Variants in DACH2 observed in about 807,000 individuals in gnomAD.
DACH2 encodes dachshund family transcription factor 2, also known as dachshund homolog 2.
In DACH2, 17 loss-of-function variants were observed where a neutral mutation model predicts 35.8. The observed-to-expected ratio is 0.48, with a 90% confidence interval of 0.33 to 0.71. The LOEUF is 0.71. DACH2 is among the 30% of genes least tolerant of loss of function. DACH2 has a pLI of 0.02. For synonymous variants in DACH2, 195 were observed against 177.3 expected (o/e 1.10, Z -0.79); for missense variants, 469 against 472.7 (o/e 0.99, Z 0.07).
chrX:86,610,795 T>A (rs779913093), intron 3 of DACH2, among the ~76,000 whole-genome samples: 1 of 110,703 alleles, frequency 9.0e-6, no homozygotes, highest in East Asian at 2.9e-4. Context: ...GGCCTGGGAC[T>A]CATTCTTCAG....
chrX:86,298,464 G>A (rs1677875808), intron 1 of DACH2, among the ~76,000 whole-genome samples: 1 of 111,802 alleles, frequency 8.9e-6, no homozygotes. Flanking sequence ...ATCTCACTGT[G>A]GCCTCTTAGA....
intron 1 of DACH2, among the ~76,000 whole-genome samples, chrX:86,318,880 C>T (rs1243695593): frequency 9.0e-6 from 1 of 111,631 alleles, no homozygotes; most frequent in Non-Finnish European, 1.9e-5. Flanking sequence ...CTTATTTTTC[C>T]AAAACGATGA....
intron 3 of DACH2, among the ~76,000 whole-genome samples, chrX:86,523,638 A>T (rs2038590748): frequency 1.8e-5 from 2 of 110,374 alleles, no homozygotes; most frequent in Non-Finnish European, 1.9e-5. Context: ...GGTGCTGCTG[A>T]TTGGTTGAGG....
At chrX:86,777,940 A>T (rs1488054305) in intron 7 of DACH2, among the ~76,000 whole-genome samples, 1 of 110,730 alleles carries the variant, frequency 9.0e-6, no homozygotes, top group Non-Finnish European at 1.9e-5. Context: ...GAATTAAAAT[A>T]AAAAAATATG....
Position 86,521,636 on chromosome X carries a change from C to A in DACH2, c.640+7245C>A, listed in dbSNP as rs1350552053. On this transcript the variant is annotated intron_variant, in intron 3 of 11. Coordinates refer to ENST00000373125, the MANE Select transcript of DACH2 (RefSeq NM_053281.3). ...TTGTGCCTAGAATGGGATTATAGAG[C>A]TAGACAAAACGTTGAGTGAGGAAAG... 6.3e-5 allele frequency among the ~76,000 whole-genome samples: 7 copies of A among 111,748 alleles called. No individual in the cohort carries two copies. In the East Asian group the frequency reaches 2.0e-3, roughly 31 times the overall value.
At chrX:86,417,729 T>G (rs968561224) in intron 2 of DACH2, among the ~76,000 whole-genome samples, 2 of 111,126 alleles carry the variant, frequency 1.8e-5, no homozygotes, top group Non-Finnish European at 3.8e-5. Context: ...ACCTGGTCCC[T>G]CCCAAATATC....
chrX:86,437,126 G>A (rs1006700822), intron 2 of DACH2, among the ~76,000 whole-genome samples: 3 of 110,445 alleles, frequency 2.7e-5, no homozygotes, highest in African/African-American at 6.6e-5. Context: ...CTTTTGACTT[G>A]TTTTTAACTT....
At chrX:86,196,783 C>T (rs909169202) in intron 1 of DACH2, among the ~76,000 whole-genome samples, 7 of 107,547 alleles carry the variant, frequency 6.5e-5, no homozygotes, top group African/African-American at 1.4e-4. Context: ...ATCTATGACT[C>T]GTTGGTGTCC....
At chrX:86,233,729 A>G (rs761960123) in intron 1 of DACH2, among the ~76,000 whole-genome samples, 27 of 111,988 alleles carry the variant, frequency 2.4e-4, no homozygotes, top group Admixed American at 1.9e-3. Context: ...ACAGTTCCAC[A>G]TGGTTGGGGA....
intron 2 of DACH2, among the ~76,000 whole-genome samples, chrX:86,427,392 G>T (rs1403907069): frequency 9.0e-6 from 1 of 111,356 alleles, no homozygotes; most frequent in Admixed American, 9.6e-5. Flanking sequence ...TCGAGGGAAA[G>T]ATTTTTACCA....
At chrX:86,356,607 C>T (rs984228415) in intron 1 of DACH2, among the ~76,000 whole-genome samples, 49 of 111,115 alleles carry the variant, frequency 4.4e-4, no homozygotes, top group African/African-American at 1.5e-3. Flanking sequence ...GCACTGAATC[C>T]GTAAATTGCT....
rs1327547421 is a variant in DACH2 at position 86,732,885 on chromosome X, G to T, written c.1105-6862G>T. 8.1e-5 allele frequency among the ~76,000 whole-genome samples: 9 copies of T among 111,154 alleles called. No homozygotes were observed. In the Admixed American group the frequency reaches 8.7e-4, roughly 11 times the overall value. On this transcript the variant is annotated intron_variant, in intron 6 of 11. Transcript: ENST00000373125. Reference sequence around the variant, plus strand: ...CTGTATGTTCTCTTATCAGTAATGGGACAAAGGGAGGCCCCACCATTAAAT... The same window carrying T: ...CTGTATGTTCTCTTATCAGTAATGGTACAAAGGGAGGCCCCACCATTAAAT...
At chrX:86,802,164 T>G (rs1308149222) in intron 7 of DACH2, among the ~76,000 whole-genome samples, 1 of 111,621 alleles carries the variant, frequency 9.0e-6, no homozygotes, top group African/African-American at 3.3e-5. Context: ...GCCCAGTGGT[T>G]TTTTGAATTG....
In DACH2 at chrX:86,469,662, C is replaced by A. The variant is rs189583026; in HGVS notation, c.528-44617C>A. On this transcript the variant is annotated intron_variant, in intron 2 of 11. Coordinates refer to ENST00000373125, the MANE Select transcript of DACH2 (RefSeq NM_053281.3). ...TGTCTTTCATTCTAACCCCCAGTCCCAAATATAACGCTGTTGGTAGAGGAG... is the reference window on the plus strand; with the variant it reads ...TGTCTTTCATTCTAACCCCCAGTCCAAAATATAACGCTGTTGGTAGAGGAG... 6.5e-3 allele frequency among the ~76,000 whole-genome samples: 716 copies of A among 110,457 alleles called. 3 individuals carry two copies. The highest frequency in any genetic ancestry group is 0.011 in the Non-Finnish European group (564 of 52,653).
chrX:86,250,839 C>T (rs896079243), intron 1 of DACH2, among the ~76,000 whole-genome samples: 2 of 111,563 alleles, frequency 1.8e-5, no homozygotes, highest in Non-Finnish European at 3.8e-5. Context: ...TGGGTTGTTA[C>T]ATCTGCTTTT....
intron 7 of DACH2, among the ~76,000 whole-genome samples, chrX:86,785,972 A>T (rs1008902649): frequency 1.8e-5 from 2 of 111,691 alleles, no homozygotes; most frequent in East Asian, 5.7e-4. Context: ...TTCGACAATC[A>T]TATCACAAGA....
At chrX:86,610,216 G>A (rs554335227) in intron 3 of DACH2, among the ~76,000 whole-genome samples, 5 of 110,815 alleles carry the variant, frequency 4.5e-5, no homozygotes, top group African/African-American at 1.6e-4. Flanking sequence ...AGGCAAAGCT[G>A]CCTCTTCCTG....
chrX:86,472,049 A>T (rs918273159), intron 2 of DACH2, among the ~76,000 whole-genome samples: 5 of 112,360 alleles, frequency 4.4e-5, no homozygotes, highest in African/African-American at 1.6e-4. Context: ...TAATTTAAAA[A>T]GAACAAAAAT....
chrX:86,396,198 G>T (rs2036286944), intron 2 of DACH2, among the ~76,000 whole-genome samples: 1 of 111,042 alleles, frequency 9.0e-6, no homozygotes, highest in Non-Finnish European at 1.9e-5. Flanking sequence ...TTTGAGAAGT[G>T]TCTGTTCATG....
Sources: allele counts gnomAD v4.1 joint callset (sites outside exome capture counted in the v4.1 genomes callset), GRCh38; gene constraint gnomAD v4.1.1; transcripts MANE v1.5; gene names NCBI Gene and HGNC (gene_info 2026-07-23, HGNC 2026-07-21).